Variants in XKR9 observed in about 807,000 individuals in gnomAD.
XKR9 encodes XK related 9.
A neutral mutation model predicts 32.0 loss-of-function variants in XKR9; 32 were observed. That is an observed-to-expected ratio of 1.00 (90% confidence interval 0.76 to 1.34). The LOEUF (loss-of-function observed/expected upper bound fraction) is 1.34, where lower values mean the gene tolerates loss of function less well. Among genes scored for constraint, XKR9 ranks in the 40% most tolerant of loss-of-function variants. The probability of loss-of-function intolerance (pLI) is 0.00; values close to 1 mark genes in which losing one functional copy is unlikely to be tolerated. For missense variants in XKR9, 546 were observed against 429.7 expected (o/e 1.27, Z -2.39); for synonymous variants, 168 against 143.4 (o/e 1.17, Z -1.22).
At chr8:70,797,559 A>AT in the XKR9 span, among the ~76,000 whole-genome samples, 11,032 of 148,114 alleles carry the variant, frequency 0.074, 465 homozygotes, top group Non-Finnish European at 0.09. Flanking sequence ...ATAACTGCAG[A>AT]TTTTTTTTTT....
the XKR9 span, among the ~76,000 whole-genome samples, chr8:70,971,316 T>C: frequency 6.6e-6 from 1 of 152,160 alleles, no homozygotes; most frequent in Non-Finnish European, 1.5e-5. Flanking sequence ...TGGGATTTTT[T>C]TTTTCTTGCT....
At chr8:70,700,554 G>T (rs1414431013) in intron 3 of XKR9, among the ~76,000 whole-genome samples, 1 of 152,156 alleles carries the variant, frequency 6.6e-6, no homozygotes, top group Non-Finnish European at 1.5e-5. Context: ...TTTTGTCTCA[G>T]AAGAGTACCC....
At chr8:70,844,215 G>A in the XKR9 span, among the ~76,000 whole-genome samples, 1 of 152,216 alleles carries the variant, frequency 6.6e-6, no homozygotes, top group African/African-American at 2.4e-5. Context: ...TGCAGTAGCT[G>A]CTGTTGCAGC....
intron 2 of XKR9, among the ~76,000 whole-genome samples, chr8:70,781,717 G>A (rs1399632253): frequency 6.6e-6 from 1 of 151,954 alleles, no homozygotes; most frequent in Non-Finnish European, 1.5e-5. Flanking sequence ...TAATATACCT[G>A]TTGGCACTTT....
chr8:70,856,781 C>A, the XKR9 span, among the ~76,000 whole-genome samples: 23 of 152,198 alleles, frequency 1.5e-4, no homozygotes, highest in Non-Finnish European at 2.8e-4. Flanking sequence ...ATCTCTCAGA[C>A]CACAGCACAA....
At chr8:71,013,065 A>C in the XKR9 span, among the ~76,000 whole-genome samples, 1 of 152,108 alleles carries the variant, frequency 6.6e-6, no homozygotes, top group Non-Finnish European at 1.5e-5. Flanking sequence ...GGTCCTTGTC[A>C]TAAAGTGAGT....
At chr8:70,787,359 AG>A (rs1402924541) in intron 2 of XKR9, among the ~76,000 whole-genome samples, 1 of 152,160 alleles carries the variant, frequency 6.6e-6, no homozygotes. Context: ...TTTTCTCAAA[AG>A]ACCACCCTAG....
the XKR9 span, among the ~76,000 whole-genome samples, chr8:70,830,234 G>T: frequency 1.3e-5 from 2 of 152,102 alleles, no homozygotes; most frequent in African/African-American, 2.4e-5. Context: ...GTAGTGAAGA[G>T]AATTCTTTGC....
At chr8:71,012,690 C>T in the XKR9 span, among the ~76,000 whole-genome samples, 267 of 152,194 alleles carry the variant, frequency 1.8e-3, 1 homozygote, top group African/African-American at 6.2e-3. Context: ...TCATCTAGTC[C>T]TCACAAAACT....
chr8:70,852,132 C>G, the XKR9 span, among the ~76,000 whole-genome samples: 9 of 152,146 alleles, frequency 5.9e-5, no homozygotes, highest in Non-Finnish European at 1.3e-4. Flanking sequence ...AAGATATGAA[C>G]AGATACTTTT....
chr8:70,778,958 T>G (rs982607730), intron 2 of XKR9, among the ~76,000 whole-genome samples: 2 of 152,194 alleles, frequency 1.3e-5, no homozygotes, highest in African/African-American at 4.8e-5. Context: ...CTTGTCTGAC[T>G]GCCCTGGCCA....
chr8:70,851,939 T>G, the XKR9 span, among the ~76,000 whole-genome samples: 4 of 152,190 alleles, frequency 2.6e-5, no homozygotes, highest in African/African-American at 9.7e-5. Flanking sequence ...AAATGGGATC[T>G]AATTAAACTA....
chr8:70,743,856 A>G (rs1455922393), intron 2 of XKR9, among the ~76,000 whole-genome samples: 1 of 151,982 alleles, frequency 6.6e-6, no homozygotes, highest in African/African-American at 2.4e-5. Context: ...ACTCAGTGCC[A>G]TTCCTTCTTC....
intron 1 of XKR9, 68 bp downstream of exon 1, chr8:70,669,606 C>CTGTGTGTGTGTG (rs71560431): frequency 2.0e-5 from 3 of 147,994 alleles, no homozygotes; most frequent in South Asian, 2.6e-4. Context: ...GGCAGTGGCT[C>CTGTGTGTGTGTG]TGTGTGTGTG....
At chr8:70,781,367 G>A (rs972366131) in intron 2 of XKR9, among the ~76,000 whole-genome samples, 1 of 151,732 alleles carries the variant, frequency 6.6e-6, no homozygotes, top group African/African-American at 2.4e-5. Flanking sequence ...TGATTTTGTG[G>A]GTTGTCTTTT....
At chr8:70,803,515 T>C in the XKR9 span, among the ~76,000 whole-genome samples, 7 of 152,238 alleles carry the variant, frequency 4.6e-5, no homozygotes, top group Admixed American at 3.9e-4. Flanking sequence ...AAGAAGACAC[T>C]GAGTTTTTGA....
chr8:71,054,411 T>G, the XKR9 span, among the ~76,000 whole-genome samples: 1 of 152,212 alleles, frequency 6.6e-6, no homozygotes, highest in South Asian at 2.1e-4. Flanking sequence ...TTGGCCACCA[T>G]GTAGCACTGC....
chr8:70,771,213 C>G (rs1055010686), intron 2 of XKR9, among the ~76,000 whole-genome samples: 1 of 152,190 alleles, frequency 6.6e-6, no homozygotes, highest in Non-Finnish European at 1.5e-5. Context: ...ACACCCCACC[C>G]TGCTTCAGCT....
chr8:71,047,202 T>A, the XKR9 span, among the ~76,000 whole-genome samples: 1 of 152,232 alleles, frequency 6.6e-6, no homozygotes, highest in Admixed American at 6.5e-5. Flanking sequence ...TGGGTAAGAA[T>A]AGAAAGTGAT....
Sources: gnomAD v4.1 joint callset for allele counts (sites outside exome capture counted in the v4.1 genomes callset) on GRCh38, gnomAD v4.1.1 for gene constraint, MANE v1.5 for transcripts, NCBI Gene and HGNC (gene_info 2026-07-23, HGNC 2026-07-21) for gene names.